TMEM108: variants seen among roughly 807,000 people sequenced by gnomAD.
The protein encoded by TMEM108 is transmembrane protein 108.
In TMEM108, 12 loss-of-function variants were observed where a neutral mutation model predicts 35.1. The ratio of observed to expected loss-of-function variants is 0.34; its 90% confidence interval spans 0.22 to 0.55. The LOEUF is 0.55. Among genes scored for constraint, TMEM108 ranks in the 20% least tolerant of loss-of-function variants. The pLI is 0.89. For missense variants in TMEM108, 680 were observed against 753.3 expected, an observed-to-expected ratio of 0.90 and a Z score of 1.14; for synonymous variants, 287 against 308.6, an observed-to-expected ratio of 0.93 and a Z score of 0.73.
At chr3:133,240,234 G>C (rs1946294397) in intron 3 of TMEM108, among the ~76,000 whole-genome samples, 1 of 152,138 alleles carries the variant, frequency 6.6e-6, no homozygotes, top group African/African-American at 2.4e-5. Context: ...TGAGGGGTAA[G>C]TCATTCACAT....
intron 2 of TMEM108, among the ~76,000 whole-genome samples, chr3:133,178,194 C>A (rs1415280126): frequency 6.6e-6 from 1 of 152,198 alleles, no homozygotes; most frequent in African/African-American, 2.4e-5. Flanking sequence ...ACATTCCATA[C>A]TCATGGATAG....
chr3:133,169,280 T>C (rs1212276283), intron 2 of TMEM108, among the ~76,000 whole-genome samples: 1 of 152,022 alleles, frequency 6.6e-6, no homozygotes, highest in Non-Finnish European at 1.5e-5. Context: ...ATATTAACTT[T>C]GTTTATCACT....
intron 2 of TMEM108, among the ~76,000 whole-genome samples, chr3:133,047,396 A>G (rs1165022419): frequency 6.6e-6 from 1 of 152,220 alleles, no homozygotes; most frequent in Non-Finnish European, 1.5e-5. Flanking sequence ...TGCTGTGTAA[A>G]TACTATACAA....
chr3:133,341,943 T>C (rs2071672014), intron 3 of TMEM108, among the ~76,000 whole-genome samples: 1 of 151,880 alleles, frequency 6.6e-6, no homozygotes, highest in African/African-American at 2.4e-5. Flanking sequence ...AAAGAAAACA[T>C]TGGGGAAACC....
At chr3:133,335,686 C>T (rs965634544) in intron 3 of TMEM108, among the ~76,000 whole-genome samples, 5 of 152,012 alleles carry the variant, frequency 3.3e-5, no homozygotes, top group Non-Finnish European at 5.9e-5. Context: ...TTCCCCCATG[C>T]GGGAACACCA....
chr3:133,303,671 G>A (rs981853663), intron 3 of TMEM108, among the ~76,000 whole-genome samples: 1 of 152,054 alleles, frequency 6.6e-6, no homozygotes, highest in Admixed American at 6.6e-5. Flanking sequence ...CATCCTTAAA[G>A]ATGAATATTA....
intron 3 of TMEM108, chr3:133,253,454 T>A (rs998112201): frequency 2.0e-5 from 3 of 152,048 alleles, no homozygotes; most frequent in African/African-American, 7.2e-5. Context: ...GTTTTTGCCC[T>A]AAAAAAACAA....
intron 3 of TMEM108, among the ~76,000 whole-genome samples, chr3:133,271,881 A>G (rs1227734437): frequency 2.0e-5 from 3 of 152,212 alleles, no homozygotes; most frequent in African/African-American, 7.2e-5. Flanking sequence ...GGCTTGTATC[A>G]ACAAGGCAAA....
At chr3:133,164,982 C>CG in intron 2 of TMEM108, among the ~76,000 whole-genome samples, 1 of 137,314 alleles carries the variant, frequency 7.3e-6, no homozygotes, top group Admixed American at 7.8e-5. Context: ...CATTTGTACA[C>CG]TTACAGTAAC....
chr3:133,320,897 G>T (rs1226108954), intron 3 of TMEM108, among the ~76,000 whole-genome samples: 2 of 152,152 alleles, frequency 1.3e-5, no homozygotes, highest in Non-Finnish European at 2.9e-5. Flanking sequence ...TGCTAGCCAA[G>T]AATTTTGTAT....
rs1476293904 is a variant in TMEM108 at position 133,045,948 on chromosome 3, G to C, written c.-119G>C. 6.6e-6 allele frequency: 1 copy of C among 152,656 alleles called. No homozygotes were observed. Among genetic ancestry groups the C allele is most frequent in the Non-Finnish European group, 1.5e-5 (1 of 68,054 alleles). The allele number at this position is 152,656 out of a possible 1,614,324, so 9.5% of individuals were successfully genotyped here. ...TCCAACATGCAGAAATGAATGAGCA[G>C]TGAAAAGCAGCAGAGCCGATGGGTC... On this transcript the variant is annotated 5_prime_UTR_variant, in exon 2 of 6. Coordinates refer to ENST00000321871, the MANE Select transcript of TMEM108 (RefSeq NM_023943.4).
chr3:133,341,215 G>A (rs1456580036), intron 3 of TMEM108, among the ~76,000 whole-genome samples: 1 of 151,736 alleles, frequency 6.6e-6, no homozygotes, highest in Non-Finnish European at 1.5e-5. Context: ...TAAGTTGCAG[G>A]ATACAAAATC....
Position 133,304,975 on chromosome 3 carries a change from C to T in TMEM108, c.41-74777C>T, listed in dbSNP as rs113091505. On this transcript the variant is annotated intron_variant, in intron 3 of 5. Transcript: ENST00000321871. ...GCGCACACCTGTAATCCCAGCTACT[C>T]GGGAGGCTGAGGCAGGAGAATCGCT... Among the ~76,000 whole-genome samples the T allele has an allele frequency of 1.6e-4, 25 of 151,974 alleles. 1 individual carries two copies. The highest frequency in any genetic ancestry group is 6.0e-4 in the African/African-American group (25 of 41,408).
chr3:133,135,244 T>C (rs1944549243), intron 2 of TMEM108, among the ~76,000 whole-genome samples: 1 of 151,688 alleles, frequency 6.6e-6, no homozygotes, highest in Non-Finnish European at 1.5e-5. Flanking sequence ...AACTCCGTAA[T>C]AGACATCAGT....
chr3:133,285,529 G>A (rs148687345), intron 3 of TMEM108, among the ~76,000 whole-genome samples: 7 of 152,260 alleles, frequency 4.6e-5, no homozygotes, highest in Non-Finnish European at 1.0e-4. Flanking sequence ...GCACGCACAG[G>A]CAGCTTGGTT....
rs150034552 is a variant in TMEM108, at chr3:133,380,263, G to C, written c.552G>C (p.Pro184=). The part of the protein sequence containing the change: ...KGAGNSSRPV[P]PAPGGHSRSK... ...CTGGTAATTCATCACGCCCTGTCCCGCCTGCACCTGGTGGCCACTCCAGGA... is the reference window on the plus strand; with the variant it reads ...CTGGTAATTCATCACGCCCTGTCCCCCCTGCACCTGGTGGCCACTCCAGGA... Residue 184 remains proline, a synonymous_variant, in exon 4 of 6, where the codon CCG becomes CCC. Transcript: ENST00000321871. The surrounding 1 kb of genome is among the most constrained non-coding windows in gnomAD (Gnocchi z 5.3). 1.9e-6 allele frequency: 3 copies of C among 1,613,914 alleles called. No individual in the cohort carries two copies. Among genetic ancestry groups the C allele is most frequent in the South Asian group, 2.2e-5 (2 of 91,072 alleles).
At chr3:133,154,767 A>C (rs1025819868) in intron 2 of TMEM108, among the ~76,000 whole-genome samples, 4 of 152,150 alleles carry the variant, frequency 2.6e-5, no homozygotes, top group Non-Finnish European at 5.9e-5. Flanking sequence ...TGCTAAATGA[A>C]GAGTTAATGG....
At chr3:133,161,616 G>A (rs1944962920) in intron 2 of TMEM108, among the ~76,000 whole-genome samples, 1 of 151,784 alleles carries the variant, frequency 6.6e-6, no homozygotes, top group African/African-American at 2.4e-5. Context: ...GTTCCATTGA[G>A]TCCTGATTCT....
intron 2 of TMEM108, among the ~76,000 whole-genome samples, chr3:133,072,839 G>A (rs1008490898): frequency 6.6e-6 from 1 of 152,092 alleles, no homozygotes; most frequent in African/African-American, 2.4e-5. Context: ...GTCCCTGACA[G>A]GCAGTAATCT....
Sources: gnomAD v4.1 joint callset for allele counts (sites outside exome capture counted in the v4.1 genomes callset) on GRCh38, gnomAD v4.1.1 for gene constraint, Gnocchi (gnomAD v3.1) non-coding constraint, MANE v1.5 for transcripts, NCBI Gene and HGNC (gene_info 2026-07-23, HGNC 2026-07-21) for gene names.